Variants in AK4 observed in about 807,000 individuals in gnomAD.
AK4 encodes the protein adenylate kinase 4, also known as adenylate kinase 4, mitochondrial.
AK4 carries 13 observed loss-of-function variants against 24.6 expected under a neutral mutation model. The ratio of observed to expected loss-of-function variants is 0.53; its 90% CI spans 0.34 to 0.84. The LOEUF is 0.84. Among genes scored for constraint, AK4 ranks in the 40% least tolerant of loss-of-function variants. AK4 has a pLI of 0.01. For synonymous variants in AK4, 88 were observed against 107.0 expected (o/e 0.82, Z 1.10); for missense variants, 192 against 288.2 (o/e 0.67, Z 2.42).
At chr1:65,201,741 G>A (rs1269393447) in intron 2 of AK4, among the ~76,000 whole-genome samples, 1 of 152,112 alleles carries the variant, frequency 6.6e-6, no homozygotes, top group African/African-American at 2.4e-5. Context: ...TGAAGGTGAG[G>A]GAGGCAGGTA....
intron 1 of AK4, among the ~76,000 whole-genome samples, chr1:65,153,321 G>C (rs1649862862): frequency 6.6e-6 from 1 of 152,166 alleles, no homozygotes; most frequent in Non-Finnish European, 1.5e-5. Context: ...CTAGGCTGGA[G>C]TGCAGTGGCA....
chr1:65,154,456 T>C (rs2100981969), intron 1 of AK4: 2 of 501,360 alleles, frequency 4.0e-6, no homozygotes, highest in African/African-American at 1.9e-5. Context: ...CTTCCTTTTA[T>C]CTTGTTGCAC....
chr1:65,177,436 T>A (rs1377528700), intron 1 of AK4, among the ~76,000 whole-genome samples: 1 of 152,202 alleles, frequency 6.6e-6, no homozygotes, highest in East Asian at 1.9e-4. Flanking sequence ...GTAAAATTTA[T>A]CTGTGTCACA....
At chr1:65,171,122 A>AT (rs59764198) in intron 1 of AK4, among the ~76,000 whole-genome samples, 17,098 of 122,780 alleles carry the variant, frequency 0.14, 1,667 homozygotes, top group African/African-American at 0.23. Flanking sequence ...TGCTTGGCTA[A>AT]TTTTTTTTTT....
chr1:65,224,687 A>G (rs1033312894), intron 3 of AK4, 65 bp from the exon 4 acceptor site: 18 of 1,334,476 alleles, frequency 1.3e-5, no homozygotes, highest in Admixed American at 3.4e-5. Flanking sequence ...TTGCACAGAA[A>G]AGTTTTTAAC....
chr1:65,171,119 C>T (rs1481684726), intron 1 of AK4, among the ~76,000 whole-genome samples: 1 of 143,086 alleles, frequency 7.0e-6, no homozygotes, highest in Non-Finnish European at 1.5e-5. Context: ...CCATGCTTGG[C>T]TAATTTTTTT....
At chr1:65,154,562 A>G (rs1377982746) in intron 1 of AK4, 4 of 521,274 alleles carry the variant, frequency 7.7e-6, no homozygotes, top group Non-Finnish European at 1.5e-5. Context: ...TCAAACCGGC[A>G]CTGTCTGATC....
At chr1:65,194,396 T>A (rs1488824334) in intron 2 of AK4, among the ~76,000 whole-genome samples, 1 of 152,242 alleles carries the variant, frequency 6.6e-6, no homozygotes, top group African/African-American at 2.4e-5. Context: ...TTTCCATTTC[T>A]GTCTGAGATC....
chr1:65,217,044 T>G (rs1405343653), intron 2 of AK4, among the ~76,000 whole-genome samples: 1 of 152,120 alleles, frequency 6.6e-6, no homozygotes, highest in African/African-American at 2.4e-5. Context: ...GACATTGTAG[T>G]GAAGAGTGAG....
At chr1:65,180,388 G>A (rs1650858703) in intron 1 of AK4, among the ~76,000 whole-genome samples, 1 of 152,184 alleles carries the variant, frequency 6.6e-6, no homozygotes, top group South Asian at 2.1e-4. Context: ...AAGTGTCAGA[G>A]AGTGATTTAA....
intron 1 of AK4, 125 bp downstream of exon 1, chr1:65,148,677 AC>A: frequency 2.3e-6 from 3 of 1,320,792 alleles, no homozygotes; most frequent in Non-Finnish European, 1.9e-6. Flanking sequence ...GCAGGCTCGT[AC>A]GTGCCGGGGC....
At position 65,231,348 on chromosome 1, in the gene AK4, GT is replaced by G. The variant is rs1652639499; in HGVS notation, c.*5172del. 1 of 152,432 alleles carries G rather than the reference GT, an allele frequency of 6.6e-6. No homozygotes were observed. The highest frequency in any genetic ancestry group is 1.5e-5 in the Non-Finnish European group (1 of 68,314). The allele number at this position is 152,432 out of a possible 1,614,324, so 9.4% of individuals were successfully genotyped here. On this transcript the variant is annotated 3_prime_UTR_variant, in exon 5 of 5. Transcript: ENST00000327299. ...ATTTGATCATTTTTGTGTGTGTGTG[GT>G]GTGTGTGTGAGAGAGAGAGATACTG...
chr1:65,152,346 C>A (rs1213488587), intron 1 of AK4, among the ~76,000 whole-genome samples: 4 of 44,124 alleles, frequency 9.1e-5, no homozygotes, highest in East Asian at 6.3e-4. Flanking sequence ...CTCTCTCTCT[C>A]TCTCTCTCTC....
upstream of AK4, chr1:65,148,126 A>G: frequency 1.9e-6 from 1 of 537,544 alleles, no homozygotes; most frequent in Non-Finnish European, 2.9e-6. Context: ...GGCGCGCTTC[A>G]GCAGCTTTGC....
In AK4 at chr1:65,229,845, A is replaced by G. The variant is rs776151306; in HGVS notation, c.*3668A>G. Reference sequence around the variant, plus strand: ...ATAGGCTTTTGAGCTCCTTGGAGCTATCCAGATCCTGCTCACTTTTCCTTC... The same window carrying G: ...ATAGGCTTTTGAGCTCCTTGGAGCTGTCCAGATCCTGCTCACTTTTCCTTC... On this transcript the variant is annotated 3_prime_UTR_variant, in exon 5 of 5. Transcript: ENST00000327299. 6 of 152,290 alleles carry G rather than the reference A, an allele frequency of 3.9e-5. No homozygotes were observed. Among genetic ancestry groups the G allele is most frequent in the Admixed American group, 6.5e-5 (1 of 15,282 alleles). 9.4% of individuals were successfully genotyped at this position (152,290 alleles called of 1,614,324 possible).
At chr1:65,176,092 A>G (rs893130725) in intron 1 of AK4, among the ~76,000 whole-genome samples, 1 of 152,214 alleles carries the variant, frequency 6.6e-6, no homozygotes, top group South Asian at 2.1e-4. Flanking sequence ...TTATTCTTTG[A>G]ATAAATATGA....
At chr1:65,172,063 GTATATATATATATATATA>G (rs3051712) in intron 1 of AK4, among the ~76,000 whole-genome samples, 2,199 of 65,756 alleles carry the variant, frequency 0.033, 189 homozygotes, top group Middle Eastern at 0.11. Context: ...TCCATCTCAA[GTATATATATATATATATA>G]TATATATATA....
At chr1:65,198,143 C>T (rs1178247064) in intron 2 of AK4, among the ~76,000 whole-genome samples, 1 of 152,120 alleles carries the variant, frequency 6.6e-6, no homozygotes, top group African/African-American at 2.4e-5. Flanking sequence ...AGCCACATAA[C>T]CCTTCTATCT....
At chr1:65,216,190 T>C (rs1277401321) in intron 2 of AK4, among the ~76,000 whole-genome samples, 1 of 152,002 alleles carries the variant, frequency 6.6e-6, no homozygotes. Flanking sequence ...TGGAGTGCAG[T>C]GGTACAATCT....
Sources: allele counts gnomAD v4.1 joint callset (sites outside exome capture counted in the v4.1 genomes callset), GRCh38; gene constraint gnomAD v4.1.1; transcripts MANE v1.5; gene names NCBI Gene and HGNC (gene_info 2026-07-23, HGNC 2026-07-21).